The following ARMC9 variants were observed in gnomAD, a reference collection of about 807,000 sequenced individuals.
The protein encoded by ARMC9 is armadillo repeat containing 9.
In ARMC9, 94 loss-of-function variants were observed where a neutral mutation model predicts 107.0. The observed-to-expected ratio is 0.88, with a 90% confidence interval of 0.74 to 1.04. The LOEUF (loss-of-function observed/expected upper bound fraction) is 1.04. Among genes scored for constraint, ARMC9 ranks in the 50% least tolerant of loss-of-function variants. The pLI is 0.00. For missense variants in ARMC9, 942 were observed against 1,030.1 expected, an observed-to-expected ratio of 0.91 and a Z score of 1.17; for synonymous variants, 380 against 396.9, an observed-to-expected ratio of 0.96 and a Z score of 0.51.
chr2:231,257,310 C>T (rs2037918985), intron 10 of ARMC9, among the ~76,000 whole-genome samples: 1 of 152,190 alleles, frequency 6.6e-6, no homozygotes, highest in Non-Finnish European at 1.5e-5. Context: ...CTGTGTATGC[C>T]TGAGCACTCC....
Position 231,374,128 on chromosome 2 carries a change from G to T in ARMC9, c.*2593G>T, listed in dbSNP as rs1256272751. 6.6e-6 allele frequency: 1 copy of T among 152,168 alleles called. No homozygotes were observed. Among genetic ancestry groups the T allele is most frequent in the Non-Finnish European group, 1.5e-5 (1 of 68,036 alleles). 9.4% of individuals were successfully genotyped at this position (152,168 alleles called of 1,614,324 possible). ...GCTCCAATGAGCTTGCTGAGGATGG[G>T]TATGACCCCAGTCTAAGGGGAAAGA... On this transcript the variant is annotated 3_prime_UTR_variant, in exon 25 of 25. Coordinates refer to ENST00000611582, the MANE Select transcript of ARMC9 (RefSeq NM_001352754.2).
chr2:231,331,933 G>T, intron 20 of ARMC9, 36 bp downstream of exon 20: 2 of 1,534,668 alleles, frequency 1.3e-6, no homozygotes, highest in Non-Finnish European at 1.8e-6. Flanking sequence ...TCCTGAAACA[G>T]AAAGGCCAGA....
intron 1 of ARMC9, among the ~76,000 whole-genome samples, chr2:231,202,283 A>T: frequency 6.7e-6 from 1 of 148,406 alleles, no homozygotes. Context: ...TACAGGCGTG[A>T]GCCACCGTGC....
At chr2:231,218,368 T>A (rs888325334) in intron 5 of ARMC9, among the ~76,000 whole-genome samples, 4 of 152,096 alleles carry the variant, frequency 2.6e-5, no homozygotes, top group Non-Finnish European at 4.4e-5. Context: ...AAATAAATTT[T>A]AAAAAATTAA....
intron 19 of ARMC9, among the ~76,000 whole-genome samples, chr2:231,323,260 A>C (rs1039037577): frequency 1.3e-5 from 2 of 152,150 alleles, no homozygotes; most frequent in East Asian, 3.9e-4. Context: ...CTGAGTTGGC[A>C]TTCTCAGAGG....
chr2:231,220,754 A>G (rs2034039294), intron 5 of ARMC9, among the ~76,000 whole-genome samples: 1 of 152,182 alleles, frequency 6.6e-6, no homozygotes, highest in Non-Finnish European at 1.5e-5. Flanking sequence ...AGAATGGTCA[A>G]GAAAAAAATA....
intron 19 of ARMC9, among the ~76,000 whole-genome samples, chr2:231,328,361 ATCT>A (rs1231895354): frequency 1.3e-5 from 2 of 151,964 alleles, no homozygotes; most frequent in African/African-American, 4.8e-5. Context: ...TTTCCTTTTT[ATCT>A]TCTTAACAGC....
chr2:231,219,561 A>C (rs1290214273), intron 5 of ARMC9, among the ~76,000 whole-genome samples: 3 of 152,068 alleles, frequency 2.0e-5, no homozygotes, highest in African/African-American at 7.2e-5. Context: ...AATCTCTTTT[A>C]TCTGGCCTCT....
chr2:231,371,615 T>C lies in ARMC9; in HGVS notation c.*80T>C. On this transcript the variant is annotated 3_prime_UTR_variant, in exon 25 of 25. Transcript: ENST00000611582. The stretch of plus-strand genomic sequence containing the variant: ...CTCAGCTGGCAGCAGCTGCCGGTGA[T>C]GGATGTGAAGGGACAGTTGTCCACA... 5 of 1,198,474 alleles carry C rather than the reference T, an allele frequency of 4.2e-6. No homozygotes were observed. The highest frequency in any genetic ancestry group is 5.2e-6 in the Non-Finnish European group (5 of 956,252). The allele number at this position is 1,198,474 out of a possible 1,614,324, so 74.2% of individuals were successfully genotyped here. A position where few individuals can be genotyped will look rare whatever the true frequency, so the allele number is the denominator to read the frequency against.
intron 11 of ARMC9, among the ~76,000 whole-genome samples, chr2:231,261,980 C>T (rs1456928499): frequency 1.3e-5 from 2 of 151,388 alleles, no homozygotes; most frequent in African/African-American, 4.9e-5. Flanking sequence ...CCGCACCACA[C>T]CCGGCTAATT....
chr2:231,311,833 G>C lies in ARMC9; in HGVS notation c.1773+15580G>C, dbSNP rs1321492524. ...GGTTCTGATGGTTCCTTTCCGCAGA[G>C]AATCCCTTCATCCCTTCAGAGGAAT... is the stretch of plus-strand genomic sequence containing the variant. On this transcript the variant is annotated intron_variant, in intron 19 of 24. Coordinates refer to ENST00000611582, the MANE Select transcript of ARMC9 (RefSeq NM_001352754.2). Among the ~76,000 whole-genome samples the C allele has an allele frequency of 5.6e-5, 8 of 143,212 alleles. No homozygotes were observed. The Admixed American group carries it at 5.6e-4, about 10-fold the overall frequency. The allele number at this position is 143,212 out of a possible 152,430, so 94.0% of individuals were successfully genotyped here. A position where few individuals can be genotyped will look rare whatever the true frequency, so the allele number is the denominator to read the frequency against.
intron 19 of ARMC9, among the ~76,000 whole-genome samples, chr2:231,325,291 G>C (rs969824092): frequency 5.9e-5 from 9 of 152,154 alleles, no homozygotes; most frequent in African/African-American, 7.2e-5. Context: ...ATTGAGATGT[G>C]TTGTTTGCTA....
At chr2:231,303,460 C>T (rs2041875483) in intron 19 of ARMC9, among the ~76,000 whole-genome samples, 1 of 152,174 alleles carries the variant, frequency 6.6e-6, no homozygotes, top group Non-Finnish European at 1.5e-5. Context: ...GTTTTCAGTC[C>T]TTCTCCATCT....
intron 3 of ARMC9, 31 bp from the exon 4 acceptor site, chr2:231,214,800 C>A: frequency 5.0e-6 from 8 of 1,599,104 alleles, no homozygotes; most frequent in South Asian, 1.1e-5. Context: ...AAATTTACAA[C>A]GAGGTATGTA....
At chr2:231,334,869 T>C (rs2043979877) in intron 20 of ARMC9, among the ~76,000 whole-genome samples, 1 of 152,036 alleles carries the variant, frequency 6.6e-6, no homozygotes, top group African/African-American at 2.4e-5. Context: ...AATTCACATT[T>C]TTGTCGCGTT....
intron 23 of ARMC9, among the ~76,000 whole-genome samples, chr2:231,364,562 C>T (rs757071623): frequency 9.9e-5 from 15 of 152,036 alleles, no homozygotes; most frequent in Non-Finnish European, 1.8e-4. Flanking sequence ...TTTGGGAGGC[C>T]GAGGCGGGCG....
At chr2:231,280,707 C>T (rs866328327) in intron 16 of ARMC9, among the ~76,000 whole-genome samples, 3 of 151,946 alleles carry the variant, frequency 2.0e-5, no homozygotes, top group Admixed American at 1.3e-4. Context: ...AATGAAACCC[C>T]GAGGAAAAGT....
intron 9 of ARMC9, among the ~76,000 whole-genome samples, chr2:231,243,538 G>A (rs1574761703): frequency 1.3e-5 from 2 of 152,284 alleles, no homozygotes; most frequent in Non-Finnish European, 1.5e-5. Context: ...CTACCACCCC[G>A]ACTGTTATGT....
chr2:231,245,509 A>G (rs955674495), intron 9 of ARMC9, among the ~76,000 whole-genome samples: 1 of 152,182 alleles, frequency 6.6e-6, no homozygotes, highest in Non-Finnish European at 1.5e-5. Context: ...TTACACAAAT[A>G]TGTTAGCTAG....
Sources: gnomAD v4.1 joint callset for allele counts (sites outside exome capture counted in the v4.1 genomes callset) on GRCh38, gnomAD v4.1.1 for gene constraint, MANE v1.5 for transcripts, NCBI Gene and HGNC (gene_info 2026-07-23, HGNC 2026-07-21) for gene names.